The following GPATCH2L variants were observed in gnomAD, a reference collection of about 807,000 sequenced individuals.
GPATCH2L encodes G-patch domain containing 2 like.
GPATCH2L carries 31 observed loss-of-function variants against 57.4 expected under a neutral mutation model. The ratio of observed to expected loss-of-function variants is 0.54; its 90% CI spans 0.41 to 0.73. The LOEUF (loss-of-function observed/expected upper bound fraction) is 0.73, where lower values mean the gene tolerates loss of function less well. GPATCH2L is among the 30% of genes least tolerant of loss of function. The pLI, the probability that GPATCH2L is intolerant of heterozygous loss-of-function variation, is 0.00. For missense variants in GPATCH2L, 481 were observed against 599.9 expected (o/e 0.80, Z 2.07); for synonymous variants, 199 against 210.7 (o/e 0.94, Z 0.48).
intron 9 of GPATCH2L, among the ~76,000 whole-genome samples, chr14:76,199,285 G>GT (rs1020604471): frequency 2.6e-5 from 4 of 151,526 alleles, no homozygotes; most frequent in Non-Finnish European, 4.4e-5. Context: ...TCATTCTTTT[G>GT]TTTTTTTCAA....
Position 76,209,498 on chromosome 14 carries a change from A to C in GPATCH2L, c.*7647A>C, listed in dbSNP as rs1483747128. On this transcript the variant is annotated 3_prime_UTR_variant, in exon 10 of 10. Transcript: ENST00000261530. ...TAAGGTGGGTCACTCCTGTTTACTT[A>C]TGAGTTGCTATTTATGAAAAGATGG... 1 of 152,174 alleles carries C rather than the reference A, an allele frequency of 6.6e-6. No homozygotes were observed. The highest frequency in any genetic ancestry group is 2.4e-5 in the African/African-American group (1 of 41,436). 9.4% of individuals were successfully genotyped at this position (152,174 alleles called of 1,614,324 possible). A position where few individuals can be genotyped will look rare whatever the true frequency, so the allele number is the denominator to read the frequency against.
At chr14:76,235,428 A>G (rs1480808513) in intron 2 of GPATCH2L, among the ~76,000 whole-genome samples, 1 of 152,162 alleles carries the variant, frequency 6.6e-6, no homozygotes, top group Non-Finnish European at 1.5e-5. Context: ...GTTCACCTGG[A>G]CAAGCTCTCT....
rs1230977111 is a variant in GPATCH2L, at chr14:76,209,934, G to C, written c.*8083G>C. 1 of 152,192 alleles carries C rather than the reference G, an allele frequency of 6.6e-6. No individual in the cohort carries two copies. Among genetic ancestry groups the C allele is most frequent in the African/African-American group, 2.4e-5 (1 of 41,450 alleles). 9.4% of individuals were successfully genotyped at this position (152,192 alleles called of 1,614,324 possible). On this transcript the variant is annotated 3_prime_UTR_variant, in exon 10 of 10. Coordinates refer to ENST00000261530, the MANE Select transcript of GPATCH2L (RefSeq NM_017926.4). ...GTTGAGCTTCCTCACACATGGGAAGGTACTTCAGATGCTGGACAGCCAATA... is the reference window on the plus strand; with the variant it reads ...GTTGAGCTTCCTCACACATGGGAAGCTACTTCAGATGCTGGACAGCCAATA...
intron 7 of GPATCH2L, among the ~76,000 whole-genome samples, chr14:76,180,547 A>G (rs2039522832): frequency 6.6e-6 from 1 of 152,176 alleles, no homozygotes; most frequent in African/African-American, 2.4e-5. Flanking sequence ...TTGTTGTTTA[A>G]TAAGGAATAG....
At chr14:76,223,012 CA>C (rs1363972357) in intron 1 of GPATCH2L, among the ~76,000 whole-genome samples, 3 of 151,016 alleles carry the variant, frequency 2.0e-5, no homozygotes, top group African/African-American at 7.3e-5. Context: ...AACTTTCCCA[CA>C]AAAAAATCCC....
At chr14:76,153,509 C>T (rs767815421) in intron 1 of GPATCH2L, 14 of 152,198 alleles carry the variant, frequency 9.2e-5, no homozygotes, top group Non-Finnish European at 2.1e-4. Flanking sequence ...TCACCCTATC[C>T]CTGTCATTTC....
chr14:76,171,718 G>T (rs117550373), intron 3 of GPATCH2L, 125 bp from the exon 4 acceptor site: 21,290 of 637,610 alleles, frequency 0.033, 517 homozygotes, highest in Non-Finnish European at 0.043. Flanking sequence ...GCAAGACTCT[G>T]TCTCAAAAAG....
intron 2 of GPATCH2L, among the ~76,000 whole-genome samples, chr14:76,161,895 G>T (rs894124154): frequency 1.3e-5 from 2 of 152,104 alleles, no homozygotes; most frequent in Admixed American, 6.6e-5. Context: ...AATTAGCCAG[G>T]CGTGGTAGCA....
intron 8 of GPATCH2L, among the ~76,000 whole-genome samples, chr14:76,193,044 G>A (rs866328230): frequency 4.6e-5 from 7 of 152,204 alleles, no homozygotes; most frequent in Admixed American, 1.3e-4. Context: ...GCAGGGTGGT[G>A]GTGGAAGGAC....
intron 2 of GPATCH2L, among the ~76,000 whole-genome samples, chr14:76,165,246 C>A (rs550123887): frequency 8.5e-5 from 13 of 152,186 alleles, no homozygotes; most frequent in African/African-American, 3.1e-4. Flanking sequence ...GTAATCTCAG[C>A]ACTTTGGGAG....
chr14:76,172,046 A>G, intron 4 of GPATCH2L, 27 bp downstream of exon 4: 1 of 1,501,060 alleles, frequency 6.7e-7, no homozygotes, highest in Non-Finnish European at 9.1e-7. Flanking sequence ...CCAAGAACTT[A>G]ATGCTTTTAT....
chr14:76,182,364 A>AAAC (rs2039598120), intron 8 of GPATCH2L, among the ~76,000 whole-genome samples: 1 of 2,460 alleles, frequency 4.1e-4, no homozygotes, highest in Non-Finnish European at 1.7e-3. Flanking sequence ...CTCAGAAAAG[A>AAAC]AAAAAAAAAA....
At position 76,214,048 on chromosome 14, in the gene GPATCH2L, A is replaced by G. The variant is rs556124322; in HGVS notation, c.*12197A>G. ...GCTAGTCCCCCTTATAATTTTTCCT[A>G]TTGTGCTTCTGGCTATTCATACATG... On this transcript the variant is annotated 3_prime_UTR_variant, in exon 10 of 10. Coordinates refer to ENST00000261530, the MANE Select transcript of GPATCH2L (RefSeq NM_017926.4). 1.6e-4 allele frequency: 25 copies of G among 152,158 alleles called. No individual in the cohort carries two copies. Among genetic ancestry groups the G allele is most frequent in the African/African-American group, 4.3e-4 (18 of 41,486 alleles). 9.4% of individuals were successfully genotyped at this position (152,158 alleles called of 1,614,324 possible).
chr14:76,176,734 G>A, intron 6 of GPATCH2L, 44 bp downstream of exon 6: 1 of 1,322,118 alleles, frequency 7.6e-7, no homozygotes, highest in Non-Finnish European at 1.1e-6. Flanking sequence ...CTGCTCCTTG[G>A]AGGAGGAGGC....
chr14:76,216,058 G>A (rs982370533), downstream of GPATCH2L, among the ~76,000 whole-genome samples: 1 of 152,074 alleles, frequency 6.6e-6, no homozygotes, highest in African/African-American at 2.4e-5. Context: ...GATGGATGCA[G>A]GAGGTAAAGC....
rs373127858 is a variant in GPATCH2L, at chr14:76,222,088, T to C, written c.66-7720T>C. 1.1e-4 allele frequency among the ~76,000 whole-genome samples: 17 copies of C among 152,304 alleles called. No individual in the cohort carries two copies. In the East Asian group the frequency reaches 3.1e-3, roughly 28 times the overall value. ...GGGAAGAAGGTATATGGGAATTCTC[T>C]GTACTCCTGCTCAATTTAGCTGTGA... On this transcript the variant is annotated intron_variant and NMD_transcript_variant, in intron 1 of 3. Coordinates refer to the GPATCH2L transcript ENST00000556372.
chr14:76,217,808 C>T (rs2040496347), downstream of GPATCH2L, among the ~76,000 whole-genome samples: 1 of 152,134 alleles, frequency 6.6e-6, no homozygotes. Flanking sequence ...TGAAAAGATG[C>T]TCAACTTTCC....
chr14:76,215,358 C>T (rs1036049146), downstream of GPATCH2L, among the ~76,000 whole-genome samples: 11 of 152,142 alleles, frequency 7.2e-5, no homozygotes, highest in African/African-American at 1.9e-4. Context: ...GTCAGTGTGG[C>T]GATTCCTCAG....
At position 76,154,505 on chromosome 14, in the gene GPATCH2L, C is replaced by T. The variant is rs1280984786; in HGVS notation, c.142C>T (p.Arg48Cys). Residue 48 changes from arginine to cysteine, a missense_variant, in exon 2 of 10, where the codon CGT becomes TGT. Arg to Cys is a radical substitution (Grantham distance 180). Around this residue, in one of 3 missense-constraint regions of GPATCH2L, gnomAD observed 208 missense variants for 272.4 expected, o/e 0.76. Transcript: ENST00000261530. The surrounding 1 kb of genome is among the most constrained non-coding windows in gnomAD (Gnocchi z 4.4). ...QLRKRRGRKRRSDFTHLAEHT... is the reference protein window; with the variant it reads ...QLRKRRGRKRCSDFTHLAEHT... ...TCGGAAACGCCGAGGTCGGAAGCGT[C>T]GTTCTGACTTCACTCACCTGGCAGA... 1 of 1,614,190 alleles carries T rather than the reference C, an allele frequency of 6.2e-7. No homozygotes were observed. Among genetic ancestry groups the T allele is most frequent in the Non-Finnish European group, 8.5e-7 (1 of 1,180,038 alleles).
Sources: gnomAD v4.1 joint callset for allele counts (sites outside exome capture counted in the v4.1 genomes callset) on GRCh38, gnomAD v4.1.1 for gene constraint, gnomAD v4.1.1 regional missense constraint, Gnocchi (gnomAD v3.1) non-coding constraint, MANE v1.5 for transcripts, NCBI Gene and HGNC (gene_info 2026-07-23, HGNC 2026-07-21) for gene names.